Variants in YEATS4 observed in about 807,000 individuals in gnomAD.
YEATS4 encodes YEATS domain containing 4.
YEATS4 carries 17 observed loss-of-function variants against 30.1 expected under a neutral mutation model. That is an observed-to-expected ratio of 0.56 (90% CI 0.39 to 0.85). YEATS4 has a LOEUF of 0.85. Among genes scored for constraint, YEATS4 ranks in the 40% least tolerant of loss-of-function variants. The pLI, the probability that YEATS4 is intolerant of heterozygous loss-of-function variation, is 0.00. For missense variants in YEATS4, 142 were observed against 268.3 expected (o/e 0.53, Z 3.29); for synonymous variants, 85 against 87.5 (o/e 0.97, Z 0.16).
At chr12:69,413,553 A>G in the YEATS4 span, among the ~76,000 whole-genome samples, 1 of 122,316 alleles carries the variant, frequency 8.2e-6, no homozygotes, top group East Asian at 2.9e-4. Flanking sequence ...CCCAAAATGC[A>G]CTAAGTAAAG....
At position 69,390,435 on chromosome 12, in the gene YEATS4, G is replaced by A; in HGVS notation, c.*119G>A. The A allele has an allele frequency of 1.1e-6, 1 of 890,570 alleles. No homozygotes were observed. Among genetic ancestry groups the A allele is most frequent in the Non-Finnish European group, 1.6e-6 (1 of 628,440 alleles). 55.2% of individuals were successfully genotyped at this position (890,570 alleles called of 1,614,324 possible). A position where few individuals can be genotyped will look rare whatever the true frequency, so the allele number is the denominator to read the frequency against. Reference sequence around the variant, plus strand: ...TAGAGGAACTTCATATACAGCTGTTGACCATGAATTTCTTAGCAATAGGAA... The same window carrying A: ...TAGAGGAACTTCATATACAGCTGTTAACCATGAATTTCTTAGCAATAGGAA... On this transcript the variant is annotated 3_prime_UTR_variant, in exon 7 of 7. Coordinates refer to ENST00000247843, the MANE Select transcript of YEATS4 (RefSeq NM_006530.4).
chr12:69,371,871 T>G (rs781472153), intron 6 of YEATS4, among the ~76,000 whole-genome samples: 2 of 152,216 alleles, frequency 1.3e-5, no homozygotes, highest in South Asian at 2.1e-4. Flanking sequence ...TATCAAAATG[T>G]CAGTCAGGAA....
the YEATS4 span, among the ~76,000 whole-genome samples, chr12:69,415,047 T>C: frequency 1.3e-5 from 2 of 152,154 alleles, no homozygotes; most frequent in African/African-American, 4.8e-5. Context: ...GAACGTACAC[T>C]AAGCAATTCA....
At chr12:69,378,982 G>A (rs79967570) in intron 6 of YEATS4, among the ~76,000 whole-genome samples, 1,659 of 152,266 alleles carry the variant, frequency 0.011, 34 homozygotes, top group African/African-American at 0.038. Flanking sequence ...TTTTGTTTGG[G>A]AAAGCATTTC....
rs1198849494 is a variant in YEATS4 at position 69,362,981 on chromosome 12, A to AATT, written c.171+74_171+75insATT. ...TTTGTTTTGCTTAAAGACAACCTGT[A>AATT]GTTTTTTTTTTTTTTTTTTTTTTTT... is the stretch of plus-strand genomic sequence containing the variant. On this transcript the variant is annotated intron_variant, in intron 2 of 6. Coordinates refer to ENST00000247843, the MANE Select transcript of YEATS4 (RefSeq NM_006530.4). 367 of 313,142 alleles carry AATT rather than the reference A, an allele frequency of 1.2e-3. 124 individuals carry two copies. Among genetic ancestry groups the AATT allele is most frequent in the Admixed American group, 2.1e-3 (18 of 8,682 alleles). The allele number at this position is 313,142 out of a possible 1,614,324, so 19.4% of individuals were successfully genotyped here.
downstream of YEATS4, among the ~76,000 whole-genome samples, chr12:69,393,783 A>T (rs1868332937): frequency 6.6e-6 from 1 of 152,144 alleles, no homozygotes; most frequent in East Asian, 1.9e-4. Flanking sequence ...TAATAGGTAC[A>T]TGGGAATTTA....
At chr12:69,364,226 G>T (rs772122994) in intron 2 of YEATS4, 52 of 443,492 alleles carry the variant, frequency 1.2e-4, no homozygotes, top group Non-Finnish European at 2.0e-4. Flanking sequence ...GCCCAAGCGG[G>T]AGGATCGCTT....
intron 6 of YEATS4, among the ~76,000 whole-genome samples, chr12:69,372,594 G>A (rs1043234597): frequency 3.3e-5 from 5 of 149,348 alleles, no homozygotes; most frequent in Non-Finnish European, 5.9e-5. Flanking sequence ...GAGGGCAGTG[G>A]CATGATCTCG....
At chr12:69,401,172 C>T in the YEATS4 span, 1 of 151,486 alleles carries the variant, frequency 6.6e-6, no homozygotes, top group East Asian at 1.9e-4. Flanking sequence ...TGCACTCCAG[C>T]CTGGGCAACA....
downstream of YEATS4, among the ~76,000 whole-genome samples, chr12:69,392,081 G>A (rs1592863548): frequency 6.6e-6 from 1 of 152,240 alleles, no homozygotes; most frequent in East Asian, 1.9e-4. Context: ...ATGGGCAAAG[G>A]ATTTGAACAG....
At chr12:69,392,742 G>C (rs962857916), downstream of YEATS4, among the ~76,000 whole-genome samples, 3 of 152,164 alleles carry the variant, frequency 2.0e-5, no homozygotes, top group Non-Finnish European at 4.4e-5. Context: ...ACTATAGCTT[G>C]GTGTTGAGTC....
At position 69,364,098 on chromosome 12, in the gene YEATS4, CTTTT is replaced by C. The variant is rs534186318; in HGVS notation, c.171+1192_171+1195del. On this transcript the variant is annotated intron_variant, in intron 2 of 6. Coordinates refer to ENST00000247843, the MANE Select transcript of YEATS4 (RefSeq NM_006530.4). The stretch of plus-strand genomic sequence containing the variant: ...GGTAAGTGCTAATGGATATGGCTTT[CTTTT>C]GTGTGATAAAAATGTTCTAAAATTG... The C allele has an allele frequency of 3.1e-3, 1,296 of 418,420 alleles. 27 individuals are homozygous for C. Among genetic ancestry groups the C allele is most frequent in the South Asian group, 0.021 (1,253 of 59,216 alleles). The allele number at this position is 418,420 out of a possible 1,614,324, so 25.9% of individuals were successfully genotyped here.
chr12:69,363,056 G>C (rs961451930), intron 2 of YEATS4, 149 bp downstream of exon 2: 3 of 595,562 alleles, frequency 5.0e-6, no homozygotes, highest in African/African-American at 4.6e-5. Flanking sequence ...GCAGTGGCGC[G>C]ATCTCAGCTC....
the YEATS4 span, among the ~76,000 whole-genome samples, chr12:69,397,823 A>G: frequency 2.0e-5 from 3 of 152,284 alleles, no homozygotes; most frequent in African/African-American, 7.2e-5. Flanking sequence ...AGGCCTCAGG[A>G]GAAACTAATC....
At chr12:69,376,244 T>C (rs1875868399) in intron 6 of YEATS4, among the ~76,000 whole-genome samples, 1 of 152,146 alleles carries the variant, frequency 6.6e-6, no homozygotes, top group South Asian at 2.1e-4. Flanking sequence ...CATGTGCCTG[T>C]AATCCCAGCT....
intron 4 of YEATS4, among the ~76,000 whole-genome samples, chr12:69,369,053 C>T (rs1875543808): frequency 6.6e-6 from 1 of 152,156 alleles, no homozygotes; most frequent in Non-Finnish European, 1.5e-5. Context: ...CATAGTAAAA[C>T]CCCATCTCAA....
chr12:69,378,065 T>G (rs1875935590), intron 6 of YEATS4, among the ~76,000 whole-genome samples: 2 of 152,220 alleles, frequency 1.3e-5, no homozygotes, highest in African/African-American at 4.8e-5. Flanking sequence ...TATATCCTCT[T>G]GCTGAATTGA....
At chr12:69,393,511 G>GA (rs11443013), downstream of YEATS4, among the ~76,000 whole-genome samples, 58,849 of 143,298 alleles carry the variant, frequency 0.41, 12,036 homozygotes, top group Non-Finnish European at 0.47. Context: ...TACCAGCTAG[G>GA]AAAAAAAAAA....
chr12:69,405,657 G>A, the YEATS4 span, among the ~76,000 whole-genome samples: 7 of 152,294 alleles, frequency 4.6e-5, no homozygotes, highest in Non-Finnish European at 7.4e-5. Context: ...ACTAATAGGC[G>A]GGTAATGCAG....
Sources: gnomAD v4.1 joint callset for allele counts (sites outside exome capture counted in the v4.1 genomes callset) on GRCh38, gnomAD v4.1.1 for gene constraint, MANE v1.5 for transcripts, NCBI Gene and HGNC (gene_info 2026-07-23, HGNC 2026-07-21) for gene names.